POLQ: variants seen among roughly 807,000 people sequenced by gnomAD.
The protein encoded by POLQ is epididymis secretory sperm binding protein.
A neutral mutation model predicts 259.2 loss-of-function variants in POLQ; 233 were observed. The ratio of observed to expected loss-of-function variants is 0.90; its 90% confidence interval spans 0.81 to 1.00. POLQ has a LOEUF of 1.00. Ranked by LOEUF, POLQ falls within the 50% of genes least tolerant of loss-of-function variation. The probability of loss-of-function intolerance (pLI) is 0.00; values close to 1 mark genes in which losing one functional copy is unlikely to be tolerated. For synonymous variants in POLQ, 1,025 were observed against 1,048.8 expected (o/e 0.98, Z 0.44); for missense variants, 2,871 against 3,051.6 (o/e 0.94, Z 1.39).
At chr3:121,456,543 T>C (rs2047739215) in intron 25 of POLQ, among the ~76,000 whole-genome samples, 1 of 152,124 alleles carries the variant, frequency 6.6e-6, no homozygotes, top group Non-Finnish European at 1.5e-5. Context: ...AGTCTCAGGA[T>C]ACAAAATCAA....
At chr3:121,464,916 T>C (rs929916285) in intron 24 of POLQ, among the ~76,000 whole-genome samples, 2 of 152,180 alleles carry the variant, frequency 1.3e-5, no homozygotes, top group East Asian at 1.9e-4. Context: ...AACATAAGAA[T>C]TAGTAAATTT....
Position 121,489,582 on chromosome 3 carries a change from G to A in POLQ, c.3349C>T (p.Gln1117Ter), listed in dbSNP as rs1411891910. ...TTCCATGAACAATTTTGCTTTATTT[G>A]TAATGGGAATGATGTTTTATTATCT... is the stretch of plus-strand genomic sequence containing the variant. ...EKDNKTSFPL[Q>*]IKQNCSWNIT... is the part of the protein sequence containing the mutation. Residue 1117 changes from glutamine to a stop codon, truncating the protein, a stop_gained, in exon 16 of 30, where the codon CAA (glutamine) becomes TAA (stop). Coordinates refer to ENST00000264233, the MANE Select transcript of POLQ (RefSeq NM_199420.4). LOFTEE classifies it high-confidence loss of function. 6.2e-6 allele frequency: 10 copies of A among 1,612,818 alleles called. No homozygotes were observed. The highest frequency in any genetic ancestry group is 8.5e-6 in the Non-Finnish European group (10 of 1,179,364).
In POLQ at chr3:121,487,283, A is replaced by C. The variant is rs1220427568; in HGVS notation, c.5629+19T>G. 1.7e-5 allele frequency: 24 copies of C among 1,410,080 alleles called. No homozygotes were observed. The highest frequency in any genetic ancestry group is 2.2e-5 in the Non-Finnish European group (23 of 1,039,786). 87.3% of individuals were successfully genotyped at this position (1,410,080 alleles called of 1,614,324 possible). ...AGTAGTTTATAAATATGAAAAAATA[A>C]AATTAAAAAAATTCTTACCTTGCTT... On this transcript the variant is annotated intron_variant, in intron 16 of 29. Transcript: ENST00000264233.
At chr3:121,535,550 T>C (rs1037837352) in intron 5 of POLQ, among the ~76,000 whole-genome samples, 5 of 151,746 alleles carry the variant, frequency 3.3e-5, no homozygotes, top group African/African-American at 1.2e-4. Context: ...ACCCTGTCTC[T>C]ACTAAAAATA....
At chr3:121,482,303 G>C (rs1451009316) in intron 18 of POLQ, among the ~76,000 whole-genome samples, 4 of 152,192 alleles carry the variant, frequency 2.6e-5, no homozygotes, top group African/African-American at 9.7e-5. Context: ...TTGATCACCT[G>C]AGGTCAGAAG....
chr3:121,467,951 C>T (rs1384399099), intron 23 of POLQ, among the ~76,000 whole-genome samples: 3 of 151,982 alleles, frequency 2.0e-5, no homozygotes, highest in Admixed American at 6.6e-5. Flanking sequence ...GAGGATTGCT[C>T]GAGCCCAGGA....
chr3:121,532,109 T>C (rs1041959499), intron 6 of POLQ, among the ~76,000 whole-genome samples: 6 of 152,204 alleles, frequency 3.9e-5, no homozygotes, highest in African/African-American at 1.4e-4. Context: ...AGATGCCAGA[T>C]AATTTTTAAA....
chr3:121,509,250 C>T (rs966755506), intron 12 of POLQ, among the ~76,000 whole-genome samples: 6 of 152,036 alleles, frequency 3.9e-5, no homozygotes, highest in East Asian at 1.9e-4. Context: ...CATCATGATC[C>T]GATCTTTAAT....
intron 25 of POLQ, among the ~76,000 whole-genome samples, chr3:121,451,910 G>T (rs928278188): frequency 1.3e-5 from 2 of 152,200 alleles, no homozygotes; most frequent in African/African-American, 2.4e-5. Context: ...GCAGGCAGGC[G>T]TCCTTGAGCT....
intron 28 of POLQ, among the ~76,000 whole-genome samples, chr3:121,434,548 T>C (rs536067083): frequency 7.0e-4 from 106 of 152,348 alleles, no homozygotes; most frequent in Middle Eastern, 3.4e-3. Flanking sequence ...TAAATGTGTA[T>C]GTGTGTGTAT....
chr3:121,478,627 T>C (rs951555590), intron 19 of POLQ, among the ~76,000 whole-genome samples: 2 of 140,702 alleles, frequency 1.4e-5, no homozygotes, highest in Non-Finnish European at 3.1e-5. Context: ...AAATGAGCTA[T>C]ACTTTGTTTA....
At position 121,439,947 on chromosome 3, in the gene POLQ, G is replaced by A. The variant is rs1167223971; in HGVS notation, c.7389+45C>T. ...TATTTACTCTGCTGAAAAAGTACAT[G>A]TCATTGAAATGTTAAGTTAAAATTC... On this transcript the variant is annotated intron_variant, in intron 27 of 29. Transcript: ENST00000264233. 5 of 1,524,884 alleles carry A rather than the reference G, an allele frequency of 3.3e-6. No individual in the cohort carries two copies. In the Admixed American group the frequency reaches 6.7e-5, roughly 21 times the overall value. 94.5% of individuals were successfully genotyped at this position (1,524,884 alleles called of 1,614,324 possible).
intron 26 of POLQ, among the ~76,000 whole-genome samples, chr3:121,445,622 G>C (rs1422375232): frequency 6.6e-6 from 1 of 152,042 alleles, no homozygotes; most frequent in Non-Finnish European, 1.5e-5. Flanking sequence ...CAGCACTTTG[G>C]GAGGCCAAGA....
chr3:121,504,795 T>C (rs2048196685), intron 12 of POLQ, among the ~76,000 whole-genome samples: 1 of 152,170 alleles, frequency 6.6e-6, no homozygotes, highest in Non-Finnish European at 1.5e-5. Flanking sequence ...GTTTTTTTAT[T>C]TCACAGGCTC....
chr3:121,453,298 A>G (rs1306056665), intron 25 of POLQ, among the ~76,000 whole-genome samples: 1 of 152,196 alleles, frequency 6.6e-6, no homozygotes, highest in African/African-American at 2.4e-5. Flanking sequence ...GAAAAAACAG[A>G]GCAGAAAAAC....
intron 16 of POLQ, among the ~76,000 whole-genome samples, chr3:121,486,981 T>G (rs946729667): frequency 6.6e-6 from 1 of 151,862 alleles, no homozygotes; most frequent in African/African-American, 2.4e-5. Context: ...CACTGGTGAT[T>G]AATAAAAACC....
chr3:121,471,982 C>T lies in POLQ; in HGVS notation c.6718+8G>A. On this transcript the variant is annotated splice_region_variant and intron_variant, in intron 22 of 29. Transcript: ENST00000264233. ...TGGATATTGTTTATACTTAAGATTT[C>T]TCATCACCTGTAGCAGTGTGCGACT... 7.2e-7 allele frequency: 1 copy of T among 1,389,314 alleles called. No individual in the cohort carries two copies. Among genetic ancestry groups the T allele is most frequent in the Non-Finnish European group, 9.6e-7 (1 of 1,043,184 alleles). The allele number at this position is 1,389,314 out of a possible 1,614,324, so 86.1% of individuals were successfully genotyped here.
chr3:121,438,577 G>A (rs1576396762), intron 27 of POLQ, among the ~76,000 whole-genome samples: 1 of 152,192 alleles, frequency 6.6e-6, no homozygotes, highest in Non-Finnish European at 1.5e-5. Context: ...TACCAGTTTG[G>A]CTTCTAGCCA....
rs532990011 is a variant in POLQ at position 121,510,778 on chromosome 3, T to C, written c.1612-535A>G. On this transcript the variant is annotated intron_variant, in intron 10 of 29. Coordinates refer to ENST00000264233, the MANE Select transcript of POLQ (RefSeq NM_199420.4). ...AAAGTTCTCCTTAAAGTAGATAAAA[T>C]ATTTTCTTAAAAAGAAAAATAAGTG... 3.0e-4 allele frequency among the ~76,000 whole-genome samples: 46 copies of C among 151,958 alleles called. 1 individual carries two copies. The highest frequency in any genetic ancestry group is 3.4e-3 in the Middle Eastern group (1 of 294).
Sources: gnomAD v4.1 joint callset for allele counts (sites outside exome capture counted in the v4.1 genomes callset) on GRCh38, gnomAD v4.1.1 for gene constraint, MANE v1.5 for transcripts, NCBI Gene and HGNC (gene_info 2026-07-23, HGNC 2026-07-21) for gene names.